HAT1: variants seen among roughly 807,000 people sequenced by gnomAD.
HAT1 encodes histone acetyltransferase type B catalytic subunit.
HAT1 carries 20 observed loss-of-function variants against 56.6 expected under a neutral mutation model. That is an observed-to-expected ratio of 0.35 (90% CI 0.25 to 0.51). The LOEUF (loss-of-function observed/expected upper bound fraction) is 0.51. Among genes scored for constraint, HAT1 ranks in the 20% least tolerant of loss-of-function variants. HAT1 has a pLI of 0.95. For synonymous variants in HAT1, 146 were observed against 165.5 expected, an observed-to-expected ratio of 0.88 and a Z score of 0.91; for missense variants, 408 against 504.3, an observed-to-expected ratio of 0.81 and a Z score of 1.83.
intron 2 of HAT1, among the ~76,000 whole-genome samples, chr2:171,942,158 G>A (rs1313060911): frequency 6.6e-6 from 1 of 152,196 alleles, no homozygotes; most frequent in Non-Finnish European, 1.5e-5. Context: ...ACCTGCCTTG[G>A]CCTCCCAAAG....
intron 4 of HAT1, among the ~76,000 whole-genome samples, chr2:171,953,624 C>T (rs1269368055): frequency 8.2e-5 from 1 of 12,194 alleles, no homozygotes; most frequent in Non-Finnish European, 1.5e-4. Flanking sequence ...GACCCTGTCT[C>T]TTAAAAAAAA....
intron 2 of HAT1, among the ~76,000 whole-genome samples, chr2:171,941,180 A>T (rs1029745992): frequency 6.6e-6 from 1 of 151,938 alleles, no homozygotes; most frequent in Non-Finnish European, 1.5e-5. Context: ...CTTGCCACTC[A>T]CTACTCACTG....
chr2:171,932,427 A>G (rs930478013), intron 2 of HAT1, among the ~76,000 whole-genome samples: 1 of 152,230 alleles, frequency 6.6e-6, no homozygotes, highest in African/African-American at 2.4e-5. Flanking sequence ...GTTTTTAACT[A>G]TACATCTAAT....
chr2:171,935,112 A>T (rs1686839607), intron 2 of HAT1, among the ~76,000 whole-genome samples: 1 of 151,840 alleles, frequency 6.6e-6, no homozygotes, highest in Non-Finnish European at 1.5e-5. Context: ...CAAGGGGTTG[A>T]GGATGTTTAG....
chr2:171,954,577 T>G (rs1574052393), intron 4 of HAT1, among the ~76,000 whole-genome samples: 1 of 152,042 alleles, frequency 6.6e-6, no homozygotes, highest in Admixed American at 6.6e-5. Context: ...TCCCAGCTAC[T>G]CGGGAGGCTA....
intron 4 of HAT1, among the ~76,000 whole-genome samples, chr2:171,958,065 A>G (rs755771111): frequency 6.6e-6 from 1 of 152,084 alleles, no homozygotes; most frequent in Non-Finnish European, 1.5e-5. Flanking sequence ...CCCCATCTAT[A>G]TTTTTGGTTA....
intron 2 of HAT1, among the ~76,000 whole-genome samples, chr2:171,940,994 G>T (rs142438161): frequency 1.8e-4 from 28 of 152,286 alleles, no homozygotes; most frequent in African/African-American, 6.3e-4. Context: ...CAAGTGTACA[G>T]TGTGAGAAAG....
At chr2:171,963,344 T>C (rs1305882644) in intron 4 of HAT1, among the ~76,000 whole-genome samples, 1 of 152,038 alleles carries the variant, frequency 6.6e-6, no homozygotes, top group Non-Finnish European at 1.5e-5. Flanking sequence ...TTACAGGAAA[T>C]AGACATCCTT....
chr2:171,927,276 A>G (rs1190483650), intron 2 of HAT1, among the ~76,000 whole-genome samples: 1 of 152,252 alleles, frequency 6.6e-6, no homozygotes, highest in Non-Finnish European at 1.5e-5. Flanking sequence ...TCCTGGTTGC[A>G]TTACTTTCCA....
intron 2 of HAT1, among the ~76,000 whole-genome samples, chr2:171,935,102 C>A (rs1686839468): frequency 6.6e-6 from 1 of 151,690 alleles, no homozygotes; most frequent in South Asian, 2.1e-4. Flanking sequence ...AAATTAAGGC[C>A]AAGGGGTTGA....
At chr2:171,948,749 T>G (rs1307750372) in intron 3 of HAT1, among the ~76,000 whole-genome samples, 1 of 152,254 alleles carries the variant, frequency 6.6e-6, no homozygotes, top group Admixed American at 6.5e-5. Flanking sequence ...GTAGAACTGT[T>G]ATATTGGATT....
chr2:171,948,787 C>T lies in HAT1; in HGVS notation c.188+2004C>T, dbSNP rs531705227. 1.1e-4 allele frequency among the ~76,000 whole-genome samples: 16 copies of T among 152,238 alleles called. No individual in the cohort carries two copies. The South Asian group carries it at 3.1e-3, about 30-fold the overall frequency. On this transcript the variant is annotated intron_variant, in intron 3 of 10. Coordinates refer to ENST00000264108, the MANE Select transcript of HAT1 (RefSeq NM_003642.4). ...TTTGATTGGTTTATTTGTGATTAAA[C>T]TCAGATAATGCATATTTTTGCTGTG... is the stretch of plus-strand genomic sequence containing the variant.
chr2:171,943,333 C>T lies in HAT1; in HGVS notation c.113-3375C>T, dbSNP rs1687071404. On this transcript the variant is annotated intron_variant, in intron 2 of 10. Coordinates refer to ENST00000264108, the MANE Select transcript of HAT1 (RefSeq NM_003642.4). ...GGCTGAGGCAGGAGAATCACTTGAA[C>T]CCGGGAGGCAGAGGTTGCAGTGAGC... 3.5e-5 allele frequency among the ~76,000 whole-genome samples: 5 copies of T among 141,930 alleles called. No individual in the cohort carries two copies. In the Admixed American group the frequency reaches 3.8e-4, roughly 11 times the overall value. The allele number at this position is 141,930 out of a possible 152,430, so 93.1% of individuals were successfully genotyped here. A position where few individuals can be genotyped will look rare whatever the true frequency, so the allele number is the denominator to read the frequency against.
chr2:171,938,926 A>C (rs773517235), intron 2 of HAT1, among the ~76,000 whole-genome samples: 9 of 152,108 alleles, frequency 5.9e-5, no homozygotes, highest in Non-Finnish European at 1.3e-4. Context: ...ATTTTAGTAG[A>C]GACGGGGTTT....
chr2:171,956,232 C>T (rs190747219), intron 4 of HAT1, among the ~76,000 whole-genome samples: 15 of 144,718 alleles, frequency 1.0e-4, no homozygotes, highest in Admixed American at 9.1e-4. Context: ...ATTTGTAATC[C>T]TAGCACTTTG....
chr2:171,976,947 G>A (rs753452222), intron 9 of HAT1, among the ~76,000 whole-genome samples: 5 of 149,716 alleles, frequency 3.3e-5, no homozygotes, highest in African/African-American at 4.9e-5. Context: ...AGGCCGAGGC[G>A]GACAGATCAT....
At chr2:171,948,030 G>C (rs1225683420) in intron 3 of HAT1, among the ~76,000 whole-genome samples, 1 of 152,134 alleles carries the variant, frequency 6.6e-6, no homozygotes. Context: ...TGCAAGAATA[G>C]TACAGTGATC....
At chr2:171,952,851 A>G (rs1346083714) in intron 3 of HAT1, 30 bp from the exon 4 acceptor site, 1 of 1,523,856 alleles carries the variant, frequency 6.6e-7, no homozygotes, top group Non-Finnish European at 8.9e-7. Context: ...GCAAAAATTC[A>G]TTCCATTATT....
Position 171,943,410 on chromosome 2 carries a change from CAAAAAAAA to C in HAT1, c.113-3280_113-3273del, listed in dbSNP as rs377749207. 8.0e-4 allele frequency among the ~76,000 whole-genome samples: 47 copies of C among 58,662 alleles called. 1 individual carries two copies. The highest frequency in any genetic ancestry group is 1.5e-3 in the South Asian group (2 of 1,376). The allele number at this position is 58,662 out of a possible 152,430, so 38.5% of individuals were successfully genotyped here. A position where few individuals can be genotyped will look rare whatever the true frequency, so the allele number is the denominator to read the frequency against. On this transcript the variant is annotated intron_variant, in intron 2 of 10. Transcript: ENST00000264108. ...TGGGCGACAGAGAGAGACTCTGTCT[CAAAAAAAA>C]AAAAAAAAAAAAAAAAAGGAAACTA...
Sources: gnomAD v4.1 joint callset for allele counts (sites outside exome capture counted in the v4.1 genomes callset) on GRCh38, gnomAD v4.1.1 for gene constraint, MANE v1.5 for transcripts, NCBI Gene and HGNC (gene_info 2026-07-23, HGNC 2026-07-21) for gene names.